The following SENP8 variants were observed in gnomAD, a reference collection of about 807,000 sequenced individuals.
SENP8 encodes sentrin-specific protease 8.
SENP8 carries 10 observed loss-of-function variants against 14.4 expected under a neutral mutation model. That is an observed-to-expected ratio of 0.69 (90% CI 0.43 to 1.18). SENP8 has a LOEUF of 1.18. Ranked by LOEUF, SENP8 falls within the 50% of genes most tolerant of loss-of-function variation. The probability of loss-of-function intolerance (pLI) is 0.00; values close to 1 mark genes in which losing one functional copy is unlikely to be tolerated. For missense variants in SENP8, 202 were observed against 249.4 expected, an observed-to-expected ratio of 0.81 and a Z score of 1.28; for synonymous variants, 94 against 95.5, an observed-to-expected ratio of 0.98 and a Z score of 0.09.
chr15:72,114,818 T>C (rs2080909628), upstream of SENP8, among the ~76,000 whole-genome samples: 1 of 152,174 alleles, frequency 6.6e-6, no homozygotes, highest in African/African-American at 2.4e-5. Flanking sequence ...GAAAAGTCTT[T>C]GACTAATATT....
intron 1 of SENP8, among the ~76,000 whole-genome samples, chr15:72,126,981 G>A (rs2081226864): frequency 2.0e-5 from 3 of 152,206 alleles, no homozygotes; most frequent in Non-Finnish European, 4.4e-5. Context: ...GATTAGAAGT[G>A]ATAGTAAAGG....
intron 1 of SENP8, among the ~76,000 whole-genome samples, chr15:72,136,418 T>G (rs1269838471): frequency 6.6e-6 from 1 of 151,834 alleles, no homozygotes; most frequent in African/African-American, 2.4e-5. Context: ...TGGCTCCAGT[T>G]TATGTCTCTC....
At chr15:72,138,964 CAAA>C (rs71133960) in intron 1 of SENP8, among the ~76,000 whole-genome samples, 2 of 42,868 alleles carry the variant, frequency 4.7e-5, no homozygotes, top group Admixed American at 2.2e-4. Context: ...GACTCCATCT[CAAA>C]AAAAAAAAAA....
chr15:72,132,403 T>A (rs1000372070), intron 1 of SENP8, among the ~76,000 whole-genome samples: 4 of 152,348 alleles, frequency 2.6e-5, no homozygotes, highest in Middle Eastern at 3.4e-3. Context: ...TGGCCTTATT[T>A]CTTTTTTTCC....
intron 1 of SENP8, among the ~76,000 whole-genome samples, chr15:72,120,717 A>T (rs529631180): frequency 8.5e-5 from 13 of 152,384 alleles, no homozygotes; most frequent in African/African-American, 3.1e-4. Context: ...TGCATTAAAT[A>T]AAATCTGGCA....
upstream of SENP8, chr15:72,114,294 G>GGCAT (rs1375742842): frequency 1.3e-5 from 2 of 152,154 alleles, no homozygotes; most frequent in African/African-American, 4.8e-5. Context: ...TGAACAGGAG[G>GGCAT]GCATGACAAG....
intron 1 of SENP8, among the ~76,000 whole-genome samples, chr15:72,126,644 G>A (rs1469816812): frequency 1.3e-5 from 2 of 151,848 alleles, no homozygotes; most frequent in South Asian, 2.1e-4. Flanking sequence ...GAAAATTTCC[G>A]TCACAAGAAG....
At chr15:72,131,707 A>G (rs1223203360) in intron 1 of SENP8, among the ~76,000 whole-genome samples, 1 of 152,250 alleles carries the variant, frequency 6.6e-6, no homozygotes, top group African/African-American at 2.4e-5. Flanking sequence ...GGGTTTGTGT[A>G]TACTGACAAC....
In SENP8 at chr15:72,139,563, A is replaced by G; in HGVS notation, c.-47-14A>G. On this transcript the variant is annotated splice_polypyrimidine_tract_variant and intron_variant, in intron 1 of 1. Coordinates refer to ENST00000340912, the MANE Select transcript of SENP8 (RefSeq NM_145204.4). ...TACAGTCAGGTATTTATTGACAATA[A>G]TATTGTCTTCTAGCTCTTGTTCAGC... 6.5e-7 allele frequency: 1 copy of G among 1,549,596 alleles called. No homozygotes were observed. Among genetic ancestry groups the G allele is most frequent in the South Asian group, 1.3e-5 (1 of 79,794 alleles).
At chr15:72,123,924 G>A (rs1460925672) in intron 1 of SENP8, among the ~76,000 whole-genome samples, 1 of 152,206 alleles carries the variant, frequency 6.6e-6, no homozygotes, top group African/African-American at 2.4e-5. Context: ...ATTGATAGCT[G>A]TGCCTAGTTA....
chr15:72,129,949 G>C (rs2140508834), intron 1 of SENP8, among the ~76,000 whole-genome samples: 1 of 152,180 alleles, frequency 6.6e-6, no homozygotes, highest in Non-Finnish European at 1.5e-5. Context: ...CATTTTGGGA[G>C]GCCAAGGTGG....
At chr15:72,130,577 T>TC (rs1333078729) in intron 1 of SENP8, among the ~76,000 whole-genome samples, 2 of 150,894 alleles carry the variant, frequency 1.3e-5, no homozygotes, top group Non-Finnish European at 3.0e-5. Flanking sequence ...TTTTTTTTTT[T>TC]TTTGAGACAG....
chr15:72,117,859 C>T (rs543763534), upstream of SENP8: 7 of 398,570 alleles, frequency 1.8e-5, no homozygotes, highest in Non-Finnish European at 8.9e-6. Context: ...GCGGCGCATC[C>T]CCCGCCCTGT....
At chr15:72,117,629 A>T (rs1308577779), upstream of SENP8, 10 of 394,528 alleles carry the variant, frequency 2.5e-5, no homozygotes, top group Non-Finnish European at 4.5e-5. Context: ...CGAGGCTGAG[A>T]CGTGGGCCAG....
At chr15:72,120,021 A>G (rs890263796) in intron 1 of SENP8, among the ~76,000 whole-genome samples, 3 of 152,166 alleles carry the variant, frequency 2.0e-5, no homozygotes, top group African/African-American at 7.2e-5. Context: ...TCTGTCCCCA[A>G]AATGATCAGA....
intron 1 of SENP8, among the ~76,000 whole-genome samples, chr15:72,119,324 C>T (rs1006079020): frequency 6.6e-6 from 1 of 152,178 alleles, no homozygotes; most frequent in Non-Finnish European, 1.5e-5. Flanking sequence ...CCACTCTAGA[C>T]CAATTAAATT....
intron 1 of SENP8, among the ~76,000 whole-genome samples, chr15:72,128,692 T>C (rs188634249): frequency 3.9e-4 from 59 of 152,366 alleles, no homozygotes; most frequent in Non-Finnish European, 7.8e-4. Flanking sequence ...TCTAGGAAGA[T>C]GCCCTGTGAT....
At chr15:72,137,716 T>C (rs1279148156) in intron 1 of SENP8, among the ~76,000 whole-genome samples, 2 of 152,198 alleles carry the variant, frequency 1.3e-5, no homozygotes, top group Non-Finnish European at 2.9e-5. Context: ...CTCACGTCTG[T>C]AATCCCAGCA....
rs368944469 is a variant in SENP8, at chr15:72,139,580, T to G, written c.-44T>G. 3.2e-6 allele frequency: 5 copies of G among 1,575,408 alleles called. No homozygotes were observed. The African/African-American group carries it at 6.8e-5, about 21-fold the overall frequency. ...TGACAATAATATTGTCTTCTAGCTC[T>G]TGTTCAGCTTCTGGAATTTCTGAGC... On this transcript the variant is annotated 5_prime_UTR_variant, in exon 2 of 2. Transcript: ENST00000340912.
Sources: allele counts gnomAD v4.1 joint callset (sites outside exome capture counted in the v4.1 genomes callset), GRCh38; gene constraint gnomAD v4.1.1; transcripts MANE v1.5; gene names NCBI Gene and HGNC (gene_info 2026-07-23, HGNC 2026-07-21).